NDUFAF5: variants seen among roughly 807,000 people sequenced by gnomAD.
NDUFAF5 encodes NADH:ubiquinone oxidoreductase complex assembly factor 5.
NDUFAF5 carries 34 observed loss-of-function variants against 48.9 expected under a neutral mutation model. The observed-to-expected ratio is 0.70, with a 90% CI of 0.53 to 0.93. The LOEUF (loss-of-function observed/expected upper bound fraction) is 0.93. NDUFAF5 is among the 40% of genes least tolerant of loss of function. The pLI is 0.00. For missense variants in NDUFAF5, 428 were observed against 427.5 expected (o/e 1.00, Z -0.01); for synonymous variants, 153 against 150.6 (o/e 1.02, Z -0.12).
intron 3 of NDUFAF5, among the ~76,000 whole-genome samples, chr20:13,789,589 C>A (rs1269259406): frequency 6.6e-6 from 1 of 152,034 alleles, no homozygotes; most frequent in African/African-American, 2.4e-5. Context: ...CATTCTCCTG[C>A]CTCAGCCTCC....
chr20:13,818,049 C>T lies in NDUFAF5; in HGVS notation c.*839C>T, dbSNP rs937744488. 3.3e-6 allele frequency: 1 copy of T among 299,108 alleles called. No homozygotes were observed. The highest frequency in any genetic ancestry group is 2.3e-5 in the South Asian group (1 of 43,754). 18.5% of individuals were successfully genotyped at this position (299,108 alleles called of 1,614,324 possible). The stretch of plus-strand genomic sequence containing the variant: ...GCTGTTCGCTGTCTTTTCCATTTAA[C>T]CTGGGCACTGCCCTAGCCTCATCTT... On this transcript the variant is annotated 3_prime_UTR_variant, in exon 11 of 11. Transcript: ENST00000378106.
Position 13,785,197 on chromosome 20 carries a change from C to A in NDUFAF5, c.129C>A (p.Thr43=). The A allele has an allele frequency of 6.2e-7, 1 of 1,613,858 alleles. No homozygotes were observed. The change falls in exon 1 of 11, where the codon ACC becomes ACA. Residue 43 remains threonine, a synonymous_variant. Coordinates refer to ENST00000378106, the MANE Select transcript of NDUFAF5 (RefSeq NM_024120.5). ...CCCGCGGTAGCACCTCGCCCAGAACCCTGAATATTTTCGACCGGGATTTGA... is the reference window on the plus strand; with the variant it reads ...CCCGCGGTAGCACCTCGCCCAGAACACTGAATATTTTCGACCGGGATTTGA... ...VSPRGSTSPR[T]LNIFDRDLKR...
intron 7 of NDUFAF5, among the ~76,000 whole-genome samples, chr20:13,803,889 G>GA (rs1406390340): frequency 6.6e-6 from 1 of 151,922 alleles, no homozygotes; most frequent in African/African-American, 2.4e-5. Flanking sequence ...AGGTTCAAGT[G>GA]ATTCCCCTGC....
chr20:13,811,577 T>G (rs1444251275), intron 8 of NDUFAF5, among the ~76,000 whole-genome samples: 3 of 152,072 alleles, frequency 2.0e-5, no homozygotes, highest in African/African-American at 4.8e-5. Flanking sequence ...CTAACAGCCT[T>G]CTGGTGTGGG....
intron 4 of NDUFAF5, among the ~76,000 whole-genome samples, chr20:13,794,372 CG>C (rs1982837614): frequency 3.3e-5 from 5 of 152,086 alleles, no homozygotes; most frequent in Admixed American, 2.6e-4. Context: ...CTCCGCCTCC[CG>C]GGTTCAAGCG....
intron 1 of NDUFAF5, chr20:13,787,012 CT>C: frequency 2.2e-6 from 1 of 445,754 alleles, no homozygotes; most frequent in South Asian, 2.3e-5. Context: ...GTTCCTTTTG[CT>C]TTTCATCCTT....
chr20:13,812,808 T>G (rs1986033738), intron 8 of NDUFAF5, among the ~76,000 whole-genome samples: 1 of 152,260 alleles, frequency 6.6e-6, no homozygotes, highest in South Asian at 2.1e-4. Context: ...AACATGTATA[T>G]TCAGCGAAAT....
At chr20:13,814,821 A>G (rs903910323) in intron 8 of NDUFAF5, among the ~76,000 whole-genome samples, 3 of 152,212 alleles carry the variant, frequency 2.0e-5, no homozygotes, top group Admixed American at 6.5e-5. Flanking sequence ...CCCAGGTTAT[A>G]TAAGAGTTAA....
At chr20:13,803,457 A>G (rs1013815464) in intron 7 of NDUFAF5, 5 of 152,260 alleles carry the variant, frequency 3.3e-5, no homozygotes, top group South Asian at 2.1e-4. Flanking sequence ...TTGTAATTGT[A>G]TAAGTAACAC....
Position 13,794,863 on chromosome 20 carries a change from C to T in NDUFAF5, c.401C>T (p.Pro134Leu), listed in dbSNP as rs1166494693. The change falls in exon 5 of 11, where the codon CCT becomes CTT. Residue 134 changes from proline to leucine, a missense_variant. Transcript: ENST00000378106. ...AAAAATTCCTCAGAAACAGAAATAC[C>T]TACTGTCAGCGTTTTAGCTGATGAA... is the stretch of plus-strand genomic sequence containing the variant. Reference protein sequence around the residue: ...ALKNSSETEIPTVSVLADEEF... With the variant: ...ALKNSSETEILTVSVLADEEF... The T allele has an allele frequency of 6.2e-7, 1 of 1,611,206 alleles. No homozygotes were observed. The highest frequency in any genetic ancestry group is 1.3e-5 in the African/African-American group (1 of 74,862).
chr20:13,809,771 T>C (rs901727718), intron 8 of NDUFAF5, among the ~76,000 whole-genome samples: 2 of 152,208 alleles, frequency 1.3e-5, no homozygotes, highest in Non-Finnish European at 2.9e-5. Context: ...TGGTAGTTTG[T>C]ACTAAGGTGG....
intron 5 of NDUFAF5, among the ~76,000 whole-genome samples, chr20:13,796,506 T>C (rs79047152): frequency 0.03 from 4,565 of 152,306 alleles, 80 homozygotes; most frequent in African/African-American, 0.049. Context: ...CGAAAAGCAT[T>C]AGGAAAGATA....
chr20:13,798,646 A>G (rs534791417), intron 6 of NDUFAF5, 146 bp downstream of exon 6: 2 of 712,362 alleles, frequency 2.8e-6, no homozygotes, highest in Non-Finnish European at 5.1e-6. Flanking sequence ...GCCATTTGGC[A>G]TATTAGTAGT....
intron 4 of NDUFAF5, 117 bp downstream of exon 4, chr20:13,793,344 T>G (rs1468116296): frequency 1.1e-6 from 1 of 916,750 alleles, no homozygotes; most frequent in African/African-American, 1.7e-5. Context: ...GAAAAGGAAC[T>G]CATACAGGAA....
rs761472252 is a variant in NDUFAF5, at chr20:13,785,147, A to G, written c.79A>G (p.Arg27Gly). ...GGTCCCAGCGGAGAATCTTGGCCGTAGGGAAGTCACCTCTGGTGTCTCTCC... is the reference window on the plus strand; with the variant it reads ...GGTCCCAGCGGAGAATCTTGGCCGTGGGGAAGTCACCTCTGGTGTCTCTCC... Reference protein sequence around the residue: ...ARVPAENLGRREVTSGVSPRG... With the variant: ...ARVPAENLGRGEVTSGVSPRG... The change falls in exon 1 of 11, where the codon AGG becomes GGG. Residue 27 changes from arginine (R) to glycine (G), a missense_variant. Coordinates refer to ENST00000378106, the MANE Select transcript of NDUFAF5 (RefSeq NM_024120.5). 6.2e-7 allele frequency: 1 copy of G among 1,614,044 alleles called. No homozygotes were observed. The highest frequency in any genetic ancestry group is 1.1e-5 in the South Asian group (1 of 91,070).
rs759516479 is a variant in NDUFAF5, at chr20:13,785,100, G to A, written c.32G>A (p.Cys11Tyr). The A allele has an allele frequency of 3.1e-6, 5 of 1,613,232 alleles. No homozygotes were observed. Among genetic ancestry groups the A allele is most frequent in the African/African-American group, 1.3e-5 (1 of 74,952 alleles). MLRPAGLWRLCRRPWAARVPA... is the reference protein window; with the variant it reads MLRPAGLWRLYRRPWAARVPA... ...CGGCCGGCAGGGCTCTGGCGCTTAT[G>A]TCGGCGACCTTGGGCGGCGAGGGTC... The change falls in exon 1 of 11, where the codon TGT becomes TAT. Residue 11 changes from cysteine (C) to tyrosine (Y), a missense_variant. By Grantham distance (194) the Cys-to-Tyr change is radical. Transcript: ENST00000378106.
chr20:13,786,519 AG>A (rs3831171), intron 1 of NDUFAF5, among the ~76,000 whole-genome samples: 25,346 of 152,166 alleles, frequency 0.17, 2,700 homozygotes, highest in Non-Finnish European at 0.24. Context: ...TAATAAACAT[AG>A]GGTGTTCATA....
At chr20:13,800,484 C>T (rs1365045876) in intron 6 of NDUFAF5, among the ~76,000 whole-genome samples, 1 of 152,198 alleles carries the variant, frequency 6.6e-6, no homozygotes, top group Non-Finnish European at 1.5e-5. Flanking sequence ...GTCAATCAAA[C>T]TAGTTACAGC....
chr20:13,786,399 G>A (rs578210699), intron 1 of NDUFAF5, among the ~76,000 whole-genome samples: 18 of 152,294 alleles, frequency 1.2e-4, no homozygotes, highest in African/African-American at 4.3e-4. Flanking sequence ...GAAGATGTGC[G>A]CTCATAGCCC....
Sources: allele counts gnomAD v4.1 joint callset (sites outside exome capture counted in the v4.1 genomes callset), GRCh38; gene constraint gnomAD v4.1.1; transcripts MANE v1.5; gene names NCBI Gene and HGNC (gene_info 2026-07-23, HGNC 2026-07-21).